Variants in RHOT1 observed in about 807,000 individuals in gnomAD.
The protein encoded by RHOT1 is ras homolog family member T1, also known as mitochondrial Rho GTPase 1.
RHOT1 carries 27 observed loss-of-function variants against 95.3 expected under a neutral mutation model. That is an observed-to-expected ratio of 0.28 (90% CI 0.21 to 0.39). The LOEUF (loss-of-function observed/expected upper bound fraction) is 0.39, where lower values mean the gene tolerates loss of function less well. Among genes scored for constraint, RHOT1 ranks in the 10% least tolerant of loss-of-function variants. The probability of loss-of-function intolerance (pLI) is 1.00; values close to 1 mark genes in which losing one functional copy is unlikely to be tolerated. For missense variants in RHOT1, 578 were observed against 786.7 expected, an observed-to-expected ratio of 0.73 and a Z score of 3.17; for synonymous variants, 227 against 263.5, an observed-to-expected ratio of 0.86 and a Z score of 1.34.
chr17:32,200,820 G>A, intron 13 of RHOT1, 136 bp from the exon 14 acceptor site: 2 of 593,688 alleles, frequency 3.4e-6, no homozygotes, highest in Non-Finnish European at 5.9e-6. Flanking sequence ...CTATGGTTGG[G>A]CTCATAGGAA....
intron 11 of RHOT1, among the ~76,000 whole-genome samples, chr17:32,196,090 C>T (rs1320882996): frequency 1.3e-5 from 2 of 152,078 alleles, no homozygotes; most frequent in East Asian, 1.9e-4. Context: ...CTGCATCTAT[C>T]CTTCACATTA....
intron 14 of RHOT1, among the ~76,000 whole-genome samples, chr17:32,201,825 GT>G (rs958449733): frequency 9.8e-4 from 149 of 151,720 alleles, no homozygotes; most frequent in African/African-American, 3.1e-3. Flanking sequence ...ATCATTTTCG[GT>G]TTTTTTTCTA....
chr17:32,161,884 G>T (rs112207726), intron 1 of RHOT1, among the ~76,000 whole-genome samples: 1 of 152,108 alleles, frequency 6.6e-6, no homozygotes, highest in South Asian at 2.1e-4. Flanking sequence ...CTATATTCAC[G>T]ATTATACAAA....
intron 6 of RHOT1, among the ~76,000 whole-genome samples, chr17:32,176,901 A>G (rs2035053807): frequency 6.6e-6 from 1 of 152,130 alleles, no homozygotes; most frequent in Non-Finnish European, 1.5e-5. Flanking sequence ...AATCAGACTA[A>G]TATCTATATA....
At chr17:32,150,909 G>A in intron 1 of RHOT1, 1 of 1,548,678 alleles carries the variant, frequency 6.5e-7, no homozygotes, top group Non-Finnish European at 8.8e-7. Context: ...TGGGGGAGGT[G>A]GGCACATTCT....
chr17:32,224,592 A>G (rs1226778501), intron 19 of RHOT1, 24 bp from the exon 20 acceptor site: 1 of 1,504,890 alleles, frequency 6.6e-7, no homozygotes, highest in Non-Finnish European at 9.1e-7. Flanking sequence ...TGTTTTAAAT[A>G]ATAATTATAT....
At chr17:32,147,190 G>T (rs1291658229) in intron 1 of RHOT1, among the ~76,000 whole-genome samples, 1 of 151,270 alleles carries the variant, frequency 6.6e-6, no homozygotes, top group South Asian at 2.1e-4. Flanking sequence ...GATTACAGGC[G>T]CATACCACCA....
intron 6 of RHOT1, among the ~76,000 whole-genome samples, chr17:32,180,615 C>G (rs1055345837): frequency 6.9e-5 from 10 of 145,234 alleles, no homozygotes; most frequent in African/African-American, 2.1e-4. Context: ...CCGAGAAACA[C>G]CCAAGAATGA....
intron 7 of RHOT1, 38 bp from the exon 8 acceptor site, chr17:32,183,133 C>A: frequency 6.8e-7 from 1 of 1,479,722 alleles, no homozygotes; most frequent in South Asian, 1.2e-5. Context: ...TTTTAGCTCT[C>A]ATAATTGATT....
chr17:32,149,635 A>ATATGTG (rs1445281403), intron 1 of RHOT1, among the ~76,000 whole-genome samples: 227 of 58,964 alleles, frequency 3.8e-3, no homozygotes, highest in Middle Eastern at 0.015. Flanking sequence ...ATATATATAT[A>ATATGTG]TGTGTGTGTG....
chr17:32,183,009 A>G, intron 7 of RHOT1, 144 bp downstream of exon 7: 1 of 747,900 alleles, frequency 1.3e-6, no homozygotes, highest in Non-Finnish European at 2.1e-6. Flanking sequence ...GAGAAGTTGG[A>G]GTTGGCCTCT....
At chr17:32,178,818 G>T in intron 6 of RHOT1, 1 of 154,900 alleles carries the variant, frequency 6.5e-6, no homozygotes, top group Non-Finnish European at 1.4e-5. Flanking sequence ...TAGGAAGTGA[G>T]GAGCATCTCT....
At chr17:32,149,041 C>T (rs1462635583) in intron 1 of RHOT1, among the ~76,000 whole-genome samples, 1 of 152,126 alleles carries the variant, frequency 6.6e-6, no homozygotes, top group Non-Finnish European at 1.5e-5. Flanking sequence ...GGCCTTCTGT[C>T]CTTGTGGATA....
intron 19 of RHOT1, among the ~76,000 whole-genome samples, chr17:32,217,217 G>A (rs2038528927): frequency 6.6e-6 from 1 of 152,116 alleles, no homozygotes. Flanking sequence ...GCACACCTGT[G>A]TCGTTTCCCA....
chr17:32,151,194 T>C, intron 1 of RHOT1: 1 of 765,498 alleles, frequency 1.3e-6, no homozygotes, highest in Non-Finnish European at 2.4e-6. Flanking sequence ...TGAAGATTTC[T>C]GTCTGGGAAC....
intron 11 of RHOT1, among the ~76,000 whole-genome samples, chr17:32,197,485 C>T (rs913648877): frequency 2.6e-5 from 4 of 151,058 alleles, no homozygotes; most frequent in East Asian, 2.0e-4. Context: ...AGTGCAGTGG[C>T]GTGATCTCGA....
intron 12 of RHOT1, among the ~76,000 whole-genome samples, 186 bp from the exon 13 acceptor site, chr17:32,199,219 A>G (rs936609360): frequency 6.6e-6 from 1 of 152,192 alleles, no homozygotes; most frequent in African/African-American, 2.4e-5. Flanking sequence ...GAAAATGTCT[A>G]ATTTCTAATA....
At chr17:32,164,982 A>C (rs1382641835) in intron 1 of RHOT1, among the ~76,000 whole-genome samples, 1 of 151,912 alleles carries the variant, frequency 6.6e-6, no homozygotes, top group Non-Finnish European at 1.5e-5. Context: ...AACATGGTGA[A>C]ACTCCCTCTC....
intron 16 of RHOT1, 122 bp downstream of exon 16, chr17:32,204,095 T>A (rs2037522965): frequency 8.6e-6 from 6 of 695,334 alleles, no homozygotes; most frequent in South Asian, 8.0e-5. Flanking sequence ...ATTTTTTTTT[T>A]ATTTAATTTT....
Sources: allele counts gnomAD v4.1 joint callset (sites outside exome capture counted in the v4.1 genomes callset), GRCh38; gene constraint gnomAD v4.1.1; transcripts MANE v1.5; gene names NCBI Gene and HGNC (gene_info 2026-07-23, HGNC 2026-07-21).